Variants in NIT2 observed in about 807,000 individuals in gnomAD.
NIT2 encodes the protein nitrilase family member 2, also known as omega-amidase NIT2.
In NIT2, 46 loss-of-function variants were observed where a neutral mutation model predicts 42.7. The ratio of observed to expected loss-of-function variants is 1.08; its 90% CI spans 0.85 to 1.38. The LOEUF is 1.38. Among genes scored for constraint, NIT2 ranks in the 40% most tolerant of loss-of-function variants. The pLI is 0.00. For synonymous variants in NIT2, 123 were observed against 121.9 expected (o/e 1.01, Z -0.06); for missense variants, 309 against 342.5 (o/e 0.90, Z 0.77).
At chr3:100,340,074 T>C in intron 3 of NIT2, 139 bp downstream of exon 3, 1 of 669,558 alleles carries the variant, frequency 1.5e-6, no homozygotes, top group Non-Finnish European at 2.4e-6. Flanking sequence ...TTTTTCTTAT[T>C]TATTTATTTT....
chr3:100,345,694 G>T lies in NIT2; in HGVS notation c.430+16G>T, dbSNP rs765517163. On this transcript the variant is annotated intron_variant, in intron 5 of 9. Transcript: ENST00000394140. ...TTTGATACTCGTATGTACCAGATAA[G>T]TTTGCCTCTTTAGCAATCTCAGTAG... The T allele has an allele frequency of 4.5e-6, 7 of 1,543,894 alleles. No individual in the cohort carries two copies. The highest frequency in any genetic ancestry group is 6.3e-6 in the Non-Finnish European group (7 of 1,117,482).
intron 4 of NIT2, among the ~76,000 whole-genome samples, chr3:100,345,212 G>A (rs1706202478): frequency 6.6e-6 from 1 of 152,106 alleles, no homozygotes; most frequent in Non-Finnish European, 1.5e-5. Context: ...GCCCACCTCG[G>A]CCTCCCAAAG....
rs2148879408 is a variant in NIT2, at chr3:100,334,906, G to T, written c.7+108G>T. The T allele has an allele frequency of 4.7e-6, 5 of 1,063,360 alleles. No individual in the cohort carries two copies. The South Asian group carries it at 1.9e-4, about 41-fold the overall frequency. The allele number at this position is 1,063,360 out of a possible 1,614,324, so 65.9% of individuals were successfully genotyped here. A position where few individuals can be genotyped will look rare whatever the true frequency, so the allele number is the denominator to read the frequency against. On this transcript the variant is annotated intron_variant, in intron 1 of 9. Coordinates refer to ENST00000394140, the MANE Select transcript of NIT2 (RefSeq NM_020202.5). ...CTCAGCCCCTCCGCCCCGCGTCCCC[G>T]CCGTGCGCGGCCTTCCCTGAGGCGG...
intron 6 of NIT2, among the ~76,000 whole-genome samples, chr3:100,348,500 C>T (rs1576202258): frequency 6.6e-6 from 1 of 152,180 alleles, no homozygotes; most frequent in East Asian, 1.9e-4. Context: ...TCATATGAAA[C>T]TGCTGCCTGG....
chr3:100,341,433 A>G (rs562437730), intron 4 of NIT2, among the ~76,000 whole-genome samples: 5 of 152,186 alleles, frequency 3.3e-5, no homozygotes, highest in Admixed American at 2.0e-4. Context: ...TAGTGGCACA[A>G]TCTTGGCTCA....
At chr3:100,349,025 T>C in intron 7 of NIT2, 144 bp downstream of exon 7, 1 of 654,880 alleles carries the variant, frequency 1.5e-6, no homozygotes, top group South Asian at 1.8e-5. Context: ...TTGGAAAGGA[T>C]GAAGCTATAA....
chr3:100,336,532 G>A (rs145444927), intron 1 of NIT2, among the ~76,000 whole-genome samples: 1 of 152,200 alleles, frequency 6.6e-6, no homozygotes, highest in African/African-American at 2.4e-5. Context: ...AGAGGGGGAT[G>A]TGGCAGGGTC....
chr3:100,336,708 T>G (rs1197384831), intron 1 of NIT2, among the ~76,000 whole-genome samples: 1 of 152,230 alleles, frequency 6.6e-6, no homozygotes, highest in Non-Finnish European at 1.5e-5. Context: ...CTTCCAGCCC[T>G]AAGGCGGTTT....
At position 100,341,178 on chromosome 3, in the gene NIT2, G is replaced by T. The variant is rs199622781; in HGVS notation, c.336+17G>T. 419 of 1,582,408 alleles carry T rather than the reference G, an allele frequency of 2.6e-4. 4 individuals carry two copies. The African/African-American group carries it at 5.1e-3, about 19-fold the overall frequency. Reference sequence around the variant, plus strand: ...TATAGAAAGGTAAGTAGGAAGTGTGGCATAAGAATTTGTTATCTCTAAGCC... The same window carrying T: ...TATAGAAAGGTAAGTAGGAAGTGTGTCATAAGAATTTGTTATCTCTAAGCC... On this transcript the variant is annotated intron_variant, in intron 4 of 9. Transcript: ENST00000394140.
chr3:100,345,273 CTTTA>C (rs1410457044), intron 4 of NIT2, among the ~76,000 whole-genome samples: 1 of 152,120 alleles, frequency 6.6e-6, no homozygotes, highest in Non-Finnish European at 1.5e-5. Flanking sequence ...TCTGAGAAGT[CTTTA>C]TTTAGCATTT....
In NIT2 at chr3:100,360,522, C is replaced by G. The variant is rs1706369707; in HGVS notation, c.*5254C>G. ...GGGAGGGTAAGGCAGGAGGAGGTTA[C>G]AGTGAGCCAAGATCACACCACTGTA... On this transcript the variant is annotated 3_prime_UTR_variant, in exon 10 of 10. Coordinates refer to ENST00000394140, the MANE Select transcript of NIT2 (RefSeq NM_020202.5). 1 of 152,118 alleles carries G rather than the reference C, an allele frequency of 6.6e-6. No individual in the cohort carries two copies. The allele number at this position is 152,118 out of a possible 1,614,324, so 9.4% of individuals were successfully genotyped here. A position where few individuals can be genotyped will look rare whatever the true frequency, so the allele number is the denominator to read the frequency against.
intron 6 of NIT2, among the ~76,000 whole-genome samples, chr3:100,346,869 G>C (rs528355593): frequency 6.6e-6 from 1 of 152,220 alleles, no homozygotes; most frequent in African/African-American, 2.4e-5. Context: ...CTTCCAAATA[G>C]ACTGTCACTT....
chr3:100,342,784 GA>G (rs201331170), intron 4 of NIT2, among the ~76,000 whole-genome samples: 5 of 151,788 alleles, frequency 3.3e-5, no homozygotes, highest in African/African-American at 1.2e-4. Flanking sequence ...AAATTAAGAA[GA>G]AAAAAATCTT....
Position 100,334,787 on chromosome 3 carries a change from G to C in NIT2, c.-5G>C, listed in dbSNP as rs1706047165. ...GCGCCGCAGGTGGTGCTTGTCTGCA[G>C]AGTCATGACCTGTAAGTGGCGCGGC... On this transcript the variant is annotated 5_prime_UTR_variant, in exon 1 of 10. Transcript: ENST00000394140. 2.3e-6 allele frequency: 3 copies of C among 1,304,394 alleles called. No homozygotes were observed. The highest frequency in any genetic ancestry group is 3.1e-5 in the Admixed American group (1 of 32,624). The allele number at this position is 1,304,394 out of a possible 1,614,324, so 80.8% of individuals were successfully genotyped here.
At chr3:100,334,901 T>G (rs1706050024) in intron 1 of NIT2, 103 bp downstream of exon 1, 1 of 1,107,340 alleles carries the variant, frequency 9.0e-7, no homozygotes, top group Non-Finnish European at 1.1e-6. Flanking sequence ...CCGCCCCGCG[T>G]CCCCGCCGTG....
chr3:100,336,470 G>A (rs1426303865), intron 1 of NIT2, among the ~76,000 whole-genome samples: 12 of 152,206 alleles, frequency 7.9e-5, no homozygotes, highest in Non-Finnish European at 1.3e-4. Context: ...GGAGGATCCC[G>A]TCGGCCTCTG....
intron 6 of NIT2, among the ~76,000 whole-genome samples, chr3:100,347,932 C>G (rs1438933763): frequency 6.6e-6 from 1 of 151,946 alleles, no homozygotes; most frequent in African/African-American, 2.4e-5. Context: ...AATCTGTTGC[C>G]CAGGCTGGAG....
chr3:100,346,770 T>C (rs1016941952), intron 6 of NIT2, among the ~76,000 whole-genome samples: 1 of 152,156 alleles, frequency 6.6e-6, no homozygotes, highest in Non-Finnish European at 1.5e-5. Flanking sequence ...GTCACAGGAA[T>C]GATATGAGGA....
chr3:100,339,178 G>A lies in NIT2; in HGVS notation c.99G>A (p.Thr33=), dbSNP rs757101851. ...GTAGCTTCATCCGGGAGGCAGCAAC[G>A]CAAGGAGCCAAAATAGTTTCTTTGC... ...RACSFIREAA[T]QGAKIVSLPE... Residue 33 remains threonine (T), a synonymous_variant, in exon 2 of 10, where the codon ACG becomes ACA. Coordinates refer to ENST00000394140, the MANE Select transcript of NIT2 (RefSeq NM_020202.5). 7 of 1,613,016 alleles carry A rather than the reference G, an allele frequency of 4.3e-6. No homozygotes were observed. The highest frequency in any genetic ancestry group is 1.3e-5 in the African/African-American group (1 of 74,842).
Sources: allele counts gnomAD v4.1 joint callset (sites outside exome capture counted in the v4.1 genomes callset), GRCh38; gene constraint gnomAD v4.1.1; transcripts MANE v1.5; gene names NCBI Gene and HGNC (gene_info 2026-07-23, HGNC 2026-07-21).